The following ZNF648 variants were observed in gnomAD, a reference collection of about 807,000 sequenced individuals.
ZNF648 encodes the protein zinc finger protein 648.
ZNF648 carries 1 observed loss-of-function variant against 0.3 expected under a neutral mutation model. The observed-to-expected ratio is 3.90, with a 90% CI of 1.39 to 18.51. The LOEUF is 18.51. ZNF648 is among the 30% of genes most tolerant of loss of function. The pLI is 0.11. For synonymous variants in ZNF648, 376 were observed against 326.8 expected (o/e 1.15, Z -1.62); for missense variants, 874 against 769.7 (o/e 1.14, Z -1.60).
rs1441265597 is a variant in ZNF648, at chr1:182,061,626, C to G, written c.-122G>C. ...CCCTGGCTTCTGTGACACGTGGGCT[C>G]TCAGCAACAGGAACCAGTTAGGTAC... On this transcript the variant is annotated 5_prime_UTR_variant, in exon 1 of 2. Coordinates refer to ENST00000339948, the MANE Select transcript of ZNF648 (RefSeq NM_001009992.1). 2.0e-5 allele frequency: 3 copies of G among 152,406 alleles called. No homozygotes were observed. Among genetic ancestry groups the G allele is most frequent in the Non-Finnish European group, 2.9e-5 (2 of 68,172 alleles). 9.4% of individuals were successfully genotyped at this position (152,406 alleles called of 1,614,324 possible).
At position 182,057,938 on chromosome 1, in the gene ZNF648, C is replaced by T; in HGVS notation, c.73G>A (p.Asp25Asn). The change falls in exon 2 of 2, where the codon GAC (aspartate) becomes AAC (asparagine). Residue 25 changes from aspartate to asparagine, a missense_variant. Asp to Asn is a conservative substitution (Grantham distance 23). Transcript: ENST00000339948. ...PLSSLTEEAH[D>N]TQMLSMNLES... ...AAGTTCATGCTCAGCATCTGGGTGT[C>T]ATGAGCTTCCTCAGTCAAGCTGCTG... The T allele has an allele frequency of 6.2e-6, 10 of 1,614,084 alleles. No homozygotes were observed. Among genetic ancestry groups the T allele is most frequent in the Non-Finnish European group, 8.5e-6 (10 of 1,180,018 alleles).
intron 1 of ZNF648, among the ~76,000 whole-genome samples, chr1:182,059,578 CAT>C: frequency 6.6e-6 from 1 of 152,306 alleles, no homozygotes; most frequent in Admixed American, 6.5e-5. Flanking sequence ...GCTTCACAAA[CAT>C]AATTTCATTT....
Position 182,056,609 on chromosome 1 carries a change from G to T in ZNF648, c.1402C>A (p.Arg468Ser), listed in dbSNP as rs954994045. ...AQPSRLVRHQ[R>S]IHTGERPFPC... ...AAGGGCCTCTCGCCAGTGTGGATGC[G>T]CTGGTGGCGCACGAGGCGCGAGGGC... Residue 468 changes from arginine (R) to serine (S), a missense_variant, in exon 2 of 2, where the codon CGC (arginine) becomes AGC (serine). Physicochemically the swap from Arg to Ser is moderately radical, Grantham distance 110. Coordinates refer to ENST00000339948, the MANE Select transcript of ZNF648 (RefSeq NM_001009992.1). 1.2e-6 allele frequency: 2 copies of T among 1,613,204 alleles called. No individual in the cohort carries two copies. The highest frequency in any genetic ancestry group is 1.7e-6 in the Non-Finnish European group (2 of 1,179,664).
In ZNF648 at chr1:182,055,237, A is replaced by AT. The variant is rs1040933293; in HGVS notation, c.*1066dup. 17 of 152,198 alleles carry AT rather than the reference A, an allele frequency of 1.1e-4. No individual in the cohort carries two copies. Among genetic ancestry groups the AT allele is most frequent in the African/African-American group, 3.9e-4 (16 of 41,446 alleles). 9.4% of individuals were successfully genotyped at this position (152,198 alleles called of 1,614,324 possible). ...GTAATGCAAACTTTGAAATAACCTCATTAGATAACTGTGAGCACGTAGGCT... is the reference window on the plus strand; with the variant it reads ...GTAATGCAAACTTTGAAATAACCTCATTTAGATAACTGTGAGCACGTAGGCT... On this transcript the variant is annotated 3_prime_UTR_variant, in exon 2 of 2. Coordinates refer to ENST00000339948, the MANE Select transcript of ZNF648 (RefSeq NM_001009992.1). The surrounding 1 kb of genome is among the most constrained non-coding windows in gnomAD (Gnocchi z 4.1).
chr1:182,058,091 CGAAGA>C lies in ZNF648; in HGVS notation c.-63-23_-63-19del. ...CAGGATACCTGCAAAAAGAAAAGTA[CGAAGA>C]GAAAATCACAAAGAATGTACTTAAT... On this transcript the variant is annotated intron_variant, in intron 1 of 1. Coordinates refer to ENST00000339948, the MANE Select transcript of ZNF648 (RefSeq NM_001009992.1). The C allele has an allele frequency of 6.7e-7, 1 of 1,488,062 alleles. No homozygotes were observed. Among genetic ancestry groups the C allele is most frequent in the South Asian group, 1.4e-5 (1 of 73,982 alleles). 92.2% of individuals were successfully genotyped at this position (1,488,062 alleles called of 1,614,324 possible).
Position 182,056,899 on chromosome 1 carries a change from A to G in ZNF648, c.1112T>C (p.Leu371Pro), listed in dbSNP as rs1322229493. ...NKPFPCSECGLTFNKPLSLLR... is the reference protein window; with the variant it reads ...NKPFPCSECGPTFNKPLSLLR... Reference sequence around the variant, plus strand: ...CAGCGACAGCGGCTTGTTGAAGGTCAGGCCGCACTCGGAGCACGGGAAGGG... The same window carrying G: ...CAGCGACAGCGGCTTGTTGAAGGTCGGGCCGCACTCGGAGCACGGGAAGGG... The change falls in exon 2 of 2, where the codon CTG (leucine) becomes CCG (proline). Residue 371 changes from leucine (L) to proline (P), a missense_variant. Leu to Pro is a moderately conservative substitution (Grantham distance 98). Coordinates refer to ENST00000339948, the MANE Select transcript of ZNF648 (RefSeq NM_001009992.1). 6 of 1,588,670 alleles carry G rather than the reference A, an allele frequency of 3.8e-6. No homozygotes were observed. The African/African-American group carries it at 6.7e-5, about 18-fold the overall frequency.
chr1:182,055,905 A>C lies in ZNF648; in HGVS notation c.*399T>G, dbSNP rs1358574445. The C allele has an allele frequency of 5.7e-6, 1 of 175,912 alleles. No homozygotes were observed. The highest frequency in any genetic ancestry group is 1.6e-4 in the East Asian group (1 of 6,320). The allele number at this position is 175,912 out of a possible 1,614,324, so 10.9% of individuals were successfully genotyped here. Reference sequence around the variant, plus strand: ...GACCAGCCCCTCAGGCCTTCTTTTCAGTATTTGCATATGGCTTTGAGGGTA... The same window carrying C: ...GACCAGCCCCTCAGGCCTTCTTTTCCGTATTTGCATATGGCTTTGAGGGTA... On this transcript the variant is annotated 3_prime_UTR_variant, in exon 2 of 2. Coordinates refer to ENST00000339948, the MANE Select transcript of ZNF648 (RefSeq NM_001009992.1). This position sits in a 1 kb window ranked among gnomAD's most constrained non-coding sequence, Gnocchi z 4.1.
In ZNF648 at chr1:182,058,557, C is replaced by G. The variant is rs16858476; in HGVS notation, c.-63-484G>C. 9.8e-3 allele frequency among the ~76,000 whole-genome samples: 1,492 copies of G among 152,134 alleles called. 28 individuals carry two copies. The highest frequency in any genetic ancestry group is 0.033 in the African/African-American group (1,358 of 41,424). ...CCATGATGGTGTCAGCTAGGGTTACCTCTCAGGCCCTGGGCTGTGTAGGCC... is the reference window on the plus strand; with the variant it reads ...CCATGATGGTGTCAGCTAGGGTTACGTCTCAGGCCCTGGGCTGTGTAGGCC... On this transcript the variant is annotated intron_variant, in intron 1 of 1. Coordinates refer to ENST00000339948, the MANE Select transcript of ZNF648 (RefSeq NM_001009992.1).
rs759257473 is a variant in ZNF648, at chr1:182,056,792, T to A, written c.1219A>T (p.Met407Leu). ...GAGTGCACGCGCTGGTGCTCCACCA[T>A]GCGGCTGGCCACAGCGAACTCCCGG... Reference protein sequence around the residue: ...CDREFAVASRMVEHQRVHSGE... With the variant: ...CDREFAVASRLVEHQRVHSGE... Residue 407 changes from methionine (M) to leucine (L), a missense_variant, in exon 2 of 2, where the codon ATG becomes TTG. Met to Leu is a conservative substitution (Grantham distance 15). Coordinates refer to ENST00000339948, the MANE Select transcript of ZNF648 (RefSeq NM_001009992.1). The A allele has an allele frequency of 1.3e-6, 2 of 1,523,958 alleles. No homozygotes were observed. Among genetic ancestry groups the A allele is most frequent in the Non-Finnish European group, 1.8e-6 (2 of 1,139,234 alleles). 94.4% of individuals were successfully genotyped at this position (1,523,958 alleles called of 1,614,324 possible).
At position 182,054,774 on chromosome 1, in the gene ZNF648, C is replaced by T. The variant is rs2101917710; in HGVS notation, c.*1530G>A. Reference sequence around the variant, plus strand: ...CCAATGCAGATGCAGAAACTGAAGCCCAAGGTCACATCAACAGTAAAGGAT... The same window carrying T: ...CCAATGCAGATGCAGAAACTGAAGCTCAAGGTCACATCAACAGTAAAGGAT... On this transcript the variant is annotated 3_prime_UTR_variant, in exon 2 of 2. Coordinates refer to ENST00000339948, the MANE Select transcript of ZNF648 (RefSeq NM_001009992.1). 1 of 152,322 alleles carries T rather than the reference C, an allele frequency of 6.6e-6. No homozygotes were observed. Among genetic ancestry groups the T allele is most frequent in the South Asian group, 2.1e-4 (1 of 4,828 alleles). 9.4% of individuals were successfully genotyped at this position (152,322 alleles called of 1,614,324 possible).
At chr1:182,059,641 C>T (rs538104261) in intron 1 of ZNF648, among the ~76,000 whole-genome samples, 159 of 152,128 alleles carry the variant, frequency 1.0e-3, no homozygotes, top group African/African-American at 3.7e-3. Flanking sequence ...CCGAGGCAGA[C>T]GGATGATGAG....
the ZNF648 span, among the ~76,000 whole-genome samples, chr1:182,069,421 A>G: frequency 8.5e-5 from 13 of 152,226 alleles, no homozygotes; most frequent in Non-Finnish European, 1.5e-5. Flanking sequence ...GAACGTAACC[A>G]GAGAGGACCT....
upstream of ZNF648, among the ~76,000 whole-genome samples, chr1:182,065,078 T>C (rs990076663): frequency 1.3e-5 from 2 of 152,176 alleles, no homozygotes; most frequent in African/African-American, 2.4e-5. Flanking sequence ...CTACTACTAG[T>C]GTTACCTGCA....
intron 1 of ZNF648, among the ~76,000 whole-genome samples, chr1:182,058,948 G>A (rs538043036): frequency 6.6e-6 from 1 of 152,110 alleles, no homozygotes; most frequent in Non-Finnish European, 1.5e-5. Context: ...TCAGCCTCTT[G>A]AGTAGCTGGG....
Position 182,055,893 on chromosome 1 carries a change from G to A in ZNF648, c.*411C>T, listed in dbSNP as rs1571275570. On this transcript the variant is annotated 3_prime_UTR_variant, in exon 2 of 2. Coordinates refer to ENST00000339948, the MANE Select transcript of ZNF648 (RefSeq NM_001009992.1). This position sits in a 1 kb window ranked among gnomAD's most constrained non-coding sequence, Gnocchi z 4.1. ...TTCTCTAAAGAGGACCAGCCCCTCAGGCCTTCTTTTCAGTATTTGCATATG... is the reference window on the plus strand; with the variant it reads ...TTCTCTAAAGAGGACCAGCCCCTCAAGCCTTCTTTTCAGTATTTGCATATG... 2 of 172,150 alleles carry A rather than the reference G, an allele frequency of 1.2e-5. No homozygotes were observed. The highest frequency in any genetic ancestry group is 1.5e-4 in the South Asian group (1 of 6,600). The allele number at this position is 172,150 out of a possible 1,614,324, so 10.7% of individuals were successfully genotyped here. A position where few individuals can be genotyped will look rare whatever the true frequency, so the allele number is the denominator to read the frequency against.
intron 1 of ZNF648, 41 bp from the exon 2 acceptor site, chr1:182,058,114 T>A: frequency 7.2e-7 from 1 of 1,393,794 alleles, no homozygotes; most frequent in Non-Finnish European, 9.7e-7. Flanking sequence ...ACAAAGAATG[T>A]ACTTAATCAC....
In ZNF648 at chr1:182,057,189, G is replaced by C; in HGVS notation, c.822C>G (p.Gly274=). 1 of 1,577,666 alleles carries C rather than the reference G, an allele frequency of 6.3e-7. No homozygotes were observed. The highest frequency in any genetic ancestry group is 8.6e-7 in the Non-Finnish European group (1 of 1,167,826). ...KPLSPAETRG[G]AAKRYACELC... ...GCTCGCACGCGTAGCGCTTGGCGGCGCCGCCGCGCGTCTCCGCGGGGCTCA... is the reference window on the plus strand; with the variant it reads ...GCTCGCACGCGTAGCGCTTGGCGGCCCCGCCGCGCGTCTCCGCGGGGCTCA... Residue 274 remains glycine (G), a synonymous_variant, in exon 2 of 2, where the codon GGC becomes GGG. Transcript: ENST00000339948.
intron 1 of ZNF648, among the ~76,000 whole-genome samples, chr1:182,059,770 C>T (rs1395963827): frequency 6.8e-5 from 10 of 147,756 alleles, no homozygotes; most frequent in Admixed American, 6.1e-4. Flanking sequence ...CGCCACTGCA[C>T]TCCAGCCTGG....
chr1:182,065,766 C>A (rs1460504286), upstream of ZNF648, among the ~76,000 whole-genome samples: 1 of 152,228 alleles, frequency 6.6e-6, no homozygotes, highest in African/African-American at 2.4e-5. Flanking sequence ...CTTCACTATC[C>A]TAATGAGTGG....
Sources: allele counts gnomAD v4.1 joint callset (sites outside exome capture counted in the v4.1 genomes callset), GRCh38; gene constraint gnomAD v4.1.1; non-coding constraint Gnocchi (gnomAD v3.1); transcripts MANE v1.5; gene names NCBI Gene and HGNC (gene_info 2026-07-23, HGNC 2026-07-21).